Variants in SPOPL observed in about 807,000 individuals in gnomAD.
SPOPL encodes the protein speckle type BTB/POZ protein like, also known as speckle-type POZ protein-like.
A neutral mutation model predicts 53.8 loss-of-function variants in SPOPL; 23 were observed. The ratio of observed to expected loss-of-function variants is 0.43; its 90% CI spans 0.31 to 0.61. The LOEUF (loss-of-function observed/expected upper bound fraction) is 0.61. SPOPL is among the 20% of genes least tolerant of loss of function. The pLI is 0.12. For synonymous variants in SPOPL, 164 were observed against 149.7 expected, an observed-to-expected ratio of 1.10 and a Z score of -0.70; for missense variants, 442 against 466.9, an observed-to-expected ratio of 0.95 and a Z score of 0.49.
chr2:138,572,461 T>C lies in SPOPL; in HGVS notation c.*3381T>C, dbSNP rs913423921. On this transcript the variant is annotated 3_prime_UTR_variant, in exon 11 of 11. Transcript: ENST00000280098. ...CTTTATAAAATGTGGGTCATAGATA[T>C]GACCCAGTGTTACTAAAATAGAACA... The C allele has an allele frequency of 2.0e-5, 3 of 152,262 alleles. No homozygotes were observed. The highest frequency in any genetic ancestry group is 7.2e-5 in the African/African-American group (3 of 41,430). The allele number at this position is 152,262 out of a possible 1,614,324, so 9.4% of individuals were successfully genotyped here.
intron 1 of SPOPL, among the ~76,000 whole-genome samples, chr2:138,527,984 A>T (rs907885022): frequency 6.6e-6 from 1 of 152,160 alleles, no homozygotes; most frequent in African/African-American, 2.4e-5. Flanking sequence ...AGAGTGCTCT[A>T]TTTGATTTCT....
intron 1 of SPOPL, among the ~76,000 whole-genome samples, chr2:138,545,765 A>G (rs1189363103): frequency 6.6e-6 from 1 of 152,170 alleles, no homozygotes; most frequent in African/African-American, 2.4e-5. Flanking sequence ...ATTCAGTTCC[A>G]GAGTTTCAAA....
intron 1 of SPOPL, among the ~76,000 whole-genome samples, chr2:138,505,870 A>G: frequency 6.6e-6 from 1 of 152,212 alleles, no homozygotes; most frequent in Non-Finnish European, 1.5e-5. Flanking sequence ...GCTTCTCTGA[A>G]GAAATGACTT....
rs372137420 is a variant in SPOPL, at chr2:138,507,500, CAG to C, written c.-61+5382_-61+5383del. Among the ~76,000 whole-genome samples the C allele has an allele frequency of 1.1e-3, 171 of 152,270 alleles. 1 individual carries two copies. Among genetic ancestry groups the C allele is most frequent in the African/African-American group, 3.5e-3 (146 of 41,550 alleles). ...CCTTGGAAGCACAGAGCAGGGGCAT[CAG>C]GGGAGGCTTTCAAGGAAAATGACCC... On this transcript the variant is annotated intron_variant, in intron 1 of 10. Transcript: ENST00000280098.
chr2:138,550,361 T>C, intron 2 of SPOPL, 67 bp downstream of exon 2: 2 of 1,598,428 alleles, frequency 1.3e-6, no homozygotes, highest in Middle Eastern at 1.7e-4. Context: ...GAGAATAGTA[T>C]TGTGAAACAC....
chr2:138,550,559 TAAA>T lies in SPOPL; in HGVS notation c.158_160del (p.Lys53del), dbSNP rs1444677864. On this transcript the variant is annotated inframe_deletion, in exon 3 of 11. Transcript: ENST00000280098. ...TGTCGAGAGGAAATGGGTGAAGTGT[TAAA>T]AAGTTCAACATTTTCATCTGGCCCA... The T allele has an allele frequency of 6.2e-7, 1 of 1,610,898 alleles. No individual in the cohort carries two copies. Among genetic ancestry groups the T allele is most frequent in the African/African-American group, 1.3e-5 (1 of 74,880 alleles).
At chr2:138,507,750 C>G (rs1684244911) in intron 1 of SPOPL, among the ~76,000 whole-genome samples, 1 of 152,074 alleles carries the variant, frequency 6.6e-6, no homozygotes, top group Non-Finnish European at 1.5e-5. Context: ...TTATTAATAT[C>G]CTTACCACCC....
chr2:138,502,442 C>G (rs1465346329), intron 1 of SPOPL, among the ~76,000 whole-genome samples: 1 of 152,182 alleles, frequency 6.6e-6, no homozygotes, highest in Non-Finnish European at 1.5e-5. Context: ...TCTGGCTTCT[C>G]TCCTCCTCTA....
chr2:138,545,758 C>T (rs768058265), intron 1 of SPOPL, among the ~76,000 whole-genome samples: 3 of 152,126 alleles, frequency 2.0e-5, no homozygotes, highest in Non-Finnish European at 4.4e-5. Flanking sequence ...GTTTTTGATT[C>T]AGTTCCAGAG....
intron 1 of SPOPL, among the ~76,000 whole-genome samples, chr2:138,523,009 A>G (rs1177022398): frequency 1.3e-5 from 2 of 152,240 alleles, no homozygotes; most frequent in African/African-American, 4.8e-5. Context: ...ATACTTAGGT[A>G]ATACCACAGC....
chr2:138,558,625 T>C (rs891538443), intron 5 of SPOPL, among the ~76,000 whole-genome samples: 12 of 152,096 alleles, frequency 7.9e-5, no homozygotes, highest in Non-Finnish European at 1.5e-4. Context: ...TATGTACATA[T>C]AGTAAAATTT....
chr2:138,510,534 A>T (rs183313438), intron 1 of SPOPL, among the ~76,000 whole-genome samples: 1 of 152,192 alleles, frequency 6.6e-6, no homozygotes, highest in Non-Finnish European at 1.5e-5. Context: ...TCCAACTACA[A>T]TAGTGGATTC....
chr2:138,539,199 G>A (rs575130943), intron 1 of SPOPL, among the ~76,000 whole-genome samples: 1 of 152,128 alleles, frequency 6.6e-6, no homozygotes, highest in Admixed American at 6.6e-5. Context: ...GAATAGTGCT[G>A]CAATAAACAT....
chr2:138,547,735 T>C (rs1395778202), intron 1 of SPOPL, among the ~76,000 whole-genome samples: 1 of 152,186 alleles, frequency 6.6e-6, no homozygotes, highest in African/African-American at 2.4e-5. Context: ...AATATTTAGA[T>C]GTATTTGACG....
intron 1 of SPOPL, 126 bp downstream of exon 1, chr2:138,502,245 C>G (rs1684116910): frequency 6.6e-6 from 1 of 152,550 alleles, no homozygotes; most frequent in African/African-American, 2.4e-5. Flanking sequence ...CTCTGGGTCC[C>G]GGACCCCTGC....
rs188015825 is a variant in SPOPL, at chr2:138,572,651, G to A, written c.*3571G>A. 2.6e-5 allele frequency: 4 copies of A among 152,664 alleles called. No homozygotes were observed. Among genetic ancestry groups the A allele is most frequent in the Admixed American group, 6.5e-5 (1 of 15,288 alleles). 9.5% of individuals were successfully genotyped at this position (152,664 alleles called of 1,614,324 possible). A position where few individuals can be genotyped will look rare whatever the true frequency, so the allele number is the denominator to read the frequency against. On this transcript the variant is annotated 3_prime_UTR_variant, in exon 11 of 11. Transcript: ENST00000280098. ...AGAAGGTGGGTGGGTGAGTGGGTTC[G>A]TTTTAGTGTTCTCAGATTATAAAGA...
intron 1 of SPOPL, among the ~76,000 whole-genome samples, chr2:138,518,046 CAAA>C (rs61662616): frequency 4.4e-5 from 3 of 67,800 alleles, no homozygotes; most frequent in South Asian, 5.5e-4. Context: ...GAAACTGTCT[CAAA>C]AAAAAAAAAA....
chr2:138,523,748 G>GA (rs1295359553), intron 1 of SPOPL, among the ~76,000 whole-genome samples: 3 of 152,174 alleles, frequency 2.0e-5, no homozygotes, highest in Admixed American at 2.0e-4. Context: ...GATCTCCTTT[G>GA]ACTCCATGTC....
chr2:138,568,876 G>C, intron 10 of SPOPL, 60 bp from the exon 11 acceptor site: 1 of 1,570,702 alleles, frequency 6.4e-7, no homozygotes, highest in Non-Finnish European at 8.7e-7. Context: ...GAAATTAACA[G>C]TGCAATAGTG....
Sources: allele counts gnomAD v4.1 joint callset (sites outside exome capture counted in the v4.1 genomes callset), GRCh38; gene constraint gnomAD v4.1.1; transcripts MANE v1.5; gene names NCBI Gene and HGNC (gene_info 2026-07-23, HGNC 2026-07-21).